The following FZD3 variants were observed in gnomAD, a reference collection of about 807,000 sequenced individuals.
FZD3 encodes frizzled class receptor 3, also known as frizzled-3.
Under a neutral mutation model 60.7 loss-of-function variants are expected in FZD3, and 30 were observed. The observed-to-expected ratio is 0.49, with a 90% CI of 0.37 to 0.67. The LOEUF is 0.67. FZD3 is among the 30% of genes least tolerant of loss of function. The pLI, the probability that FZD3 is intolerant of heterozygous loss-of-function variation, is 0.00. For synonymous variants in FZD3, 246 were observed against 275.2 expected (o/e 0.89, Z 1.05); for missense variants, 605 against 838.7 (o/e 0.72, Z 3.44).
At position 28,496,383 on chromosome 8, in the gene FZD3, A is replaced by G. The variant is rs79772018; in HGVS notation, c.-391+2040A>G. 6.6e-4 allele frequency among the ~76,000 whole-genome samples: 101 copies of G among 152,282 alleles called. No individual in the cohort carries two copies. In the East Asian group the frequency reaches 0.018, roughly 27 times the overall value. On this transcript the variant is annotated intron_variant, in intron 1 of 7. Coordinates refer to ENST00000240093, the MANE Select transcript of FZD3 (RefSeq NM_017412.4). ...CTTCAGAGACAGATAGTAGGAAACAATTCTTACCACTTCTTTGAGCGGTTT... is the reference window on the plus strand; with the variant it reads ...CTTCAGAGACAGATAGTAGGAAACAGTTCTTACCACTTCTTTGAGCGGTTT...
At position 28,562,012 on chromosome 8, in the gene FZD3, C is replaced by A. The variant is rs77665180; in HGVS notation, c.1788-786C>A. On this transcript the variant is annotated intron_variant, in intron 7 of 7. Transcript: ENST00000240093. ...ATTTAACAGCCCCACTGCTGCTTTT[C>A]AAGATAAGTGCAGAGGAGATAGCCT... 4.7e-3 allele frequency among the ~76,000 whole-genome samples: 716 copies of A among 152,262 alleles called. 24 individuals are homozygous for A. The East Asian group carries it at 0.091, about 19-fold the overall frequency.
chr8:28,531,510 G>A (rs1020376032), intron 5 of FZD3, among the ~76,000 whole-genome samples: 2 of 151,988 alleles, frequency 1.3e-5, no homozygotes, highest in Admixed American at 1.3e-4. Flanking sequence ...GTTTCTATTG[G>A]AATTTTTGCA....
Position 28,569,244 on chromosome 8 carries a change from C to CA in FZD3, c.*6240dup, listed in dbSNP as rs980765794. ...TTCTATCCTGGAGTCTAAAATTAAA[C>CA]AAAAAAATCTATTTTCTAAATTGGC... On this transcript the variant is annotated 3_prime_UTR_variant, in exon 8 of 8. Coordinates refer to ENST00000240093, the MANE Select transcript of FZD3 (RefSeq NM_017412.4). 4.2e-4 allele frequency: 62 copies of CA among 149,390 alleles called. No individual in the cohort carries two copies. Among genetic ancestry groups the CA allele is most frequent in the Admixed American group, 3.8e-3 (57 of 14,986 alleles). The allele number at this position is 149,390 out of a possible 1,614,324, so 9.3% of individuals were successfully genotyped here.
At chr8:28,502,354 A>G (rs1278880443) in intron 2 of FZD3, among the ~76,000 whole-genome samples, 6 of 152,210 alleles carry the variant, frequency 3.9e-5, no homozygotes, top group Non-Finnish European at 7.4e-5. Flanking sequence ...CAATAGCATA[A>G]TAATTTTTCA....
At chr8:28,541,241 C>T (rs959978363) in intron 5 of FZD3, among the ~76,000 whole-genome samples, 8 of 152,228 alleles carry the variant, frequency 5.3e-5, no homozygotes, top group African/African-American at 1.9e-4. Flanking sequence ...CAACACTCTG[C>T]CTGTGGCATC....
rs1180465504 is a variant in FZD3 at position 28,569,180 on chromosome 8, T to C, written c.*6169T>C. The C allele has an allele frequency of 9.2e-6, 1 of 108,994 alleles. No homozygotes were observed. The allele number at this position is 108,994 out of a possible 1,614,324, so 6.8% of individuals were successfully genotyped here. A position where few individuals can be genotyped will look rare whatever the true frequency, so the allele number is the denominator to read the frequency against. ...AGATATTTCTTTGTGTTGTGCTTAT[T>C]GGTTTTTTTTTTTAACTTAGAGCTT... On this transcript the variant is annotated 3_prime_UTR_variant, in exon 8 of 8. Transcript: ENST00000240093.
chr8:28,552,764 C>G (rs1017225312), intron 6 of FZD3, among the ~76,000 whole-genome samples: 17 of 152,056 alleles, frequency 1.1e-4, no homozygotes, highest in African/African-American at 3.9e-4. Flanking sequence ...TTCTGTTATA[C>G]AAATTATATT....
chr8:28,547,234 A>G (rs1444772099), intron 5 of FZD3, among the ~76,000 whole-genome samples: 1 of 152,160 alleles, frequency 6.6e-6, no homozygotes, highest in Admixed American at 6.5e-5. Context: ...TCATTTAATG[A>G]TATATTTTGG....
intron 1 of FZD3, among the ~76,000 whole-genome samples, chr8:28,495,030 TC>T (rs1375681613): frequency 1.3e-5 from 2 of 152,170 alleles, no homozygotes; most frequent in African/African-American, 4.8e-5. Context: ...TGCTGCTGGA[TC>T]CCCGAGGGTC....
At position 28,506,490 on chromosome 8, in the gene FZD3, T is replaced by C. The variant is rs531358896; in HGVS notation, c.189+3288T>C. ...TCTTTGTTGCCTGTCACCCTGTTTT[T>C]TCATTTCAGTTAGTGTGTGGAACGA... is the stretch of plus-strand genomic sequence containing the variant. On this transcript the variant is annotated intron_variant, in intron 3 of 7. Coordinates refer to ENST00000240093, the MANE Select transcript of FZD3 (RefSeq NM_017412.4). 2.7e-3 allele frequency among the ~76,000 whole-genome samples: 407 copies of C among 152,286 alleles called. 1 individual carries two copies. The highest frequency in any genetic ancestry group is 3.7e-3 in the Non-Finnish European group (252 of 68,006).
chr8:28,542,127 GC>G (rs1318461482), intron 5 of FZD3, among the ~76,000 whole-genome samples: 50 of 141,912 alleles, frequency 3.5e-4, no homozygotes, highest in South Asian at 1.8e-3. Context: ...TCCCTGCAGT[GC>G]CATATATGAC....
intron 7 of FZD3, among the ~76,000 whole-genome samples, chr8:28,557,209 CAAAA>C (rs34146681): frequency 1.7e-5 from 2 of 117,948 alleles, no homozygotes; most frequent in African/African-American, 3.3e-5. Context: ...AACTCTGTCT[CAAAA>C]AAAAAAAAAA....
rs771277607 is a variant in FZD3 at position 28,571,268 on chromosome 8, C to T, written c.*8257C>T. 3.9e-5 allele frequency: 6 copies of T among 152,128 alleles called. No homozygotes were observed. The highest frequency in any genetic ancestry group is 5.9e-5 in the Non-Finnish European group (4 of 68,008). The allele number at this position is 152,128 out of a possible 1,614,324, so 9.4% of individuals were successfully genotyped here. ...TTCTCCATTTTTAAAAGGAAATTAA[C>T]AAATGTCTTCCTTTATCCCTGCCTC... On this transcript the variant is annotated 3_prime_UTR_variant, in exon 8 of 8. Transcript: ENST00000240093.
intron 5 of FZD3, among the ~76,000 whole-genome samples, chr8:28,535,814 AT>A (rs533897972): frequency 4.5e-4 from 68 of 152,296 alleles, no homozygotes; most frequent in Non-Finnish European, 8.2e-4. Flanking sequence ...TGGTCTAATA[AT>A]AATTTCCTCT....
chr8:28,503,748 A>G (rs1443293112), intron 3 of FZD3, among the ~76,000 whole-genome samples: 1 of 152,236 alleles, frequency 6.6e-6, no homozygotes, highest in Non-Finnish European at 1.5e-5. Flanking sequence ...TATACCAGAT[A>G]AGAACTAGCA....
chr8:28,538,050 G>A (rs889197621), intron 5 of FZD3, among the ~76,000 whole-genome samples: 1 of 151,790 alleles, frequency 6.6e-6, no homozygotes, highest in African/African-American at 2.4e-5. Flanking sequence ...CCGGGAGGCA[G>A]AGGTTTCAGT....
chr8:28,557,653 C>T (rs1312636770), intron 7 of FZD3, among the ~76,000 whole-genome samples: 1 of 152,104 alleles, frequency 6.6e-6, no homozygotes, highest in Admixed American at 6.5e-5. Flanking sequence ...TTTTCTTCTC[C>T]CTAATCCATC....
intron 5 of FZD3, among the ~76,000 whole-genome samples, chr8:28,528,986 C>T (rs1804791531): frequency 6.6e-6 from 1 of 152,106 alleles, no homozygotes; most frequent in South Asian, 2.1e-4. Flanking sequence ...ATGATCATAG[C>T]TCACTGCAGC....
rs1805646426 is a variant in FZD3 at position 28,563,154 on chromosome 8, GC to G, written c.*144del. Reference sequence around the variant, plus strand: ...GTGTCCACTGGAAAGGTAAATGATTGCTTTTTTATATTGCATCAAACTTGGA... The same window carrying G: ...GTGTCCACTGGAAAGGTAAATGATTGTTTTTTATATTGCATCAAACTTGGA... On this transcript the variant is annotated 3_prime_UTR_variant, in exon 8 of 8. Coordinates refer to ENST00000240093, the MANE Select transcript of FZD3 (RefSeq NM_017412.4). 1.6e-6 allele frequency: 1 copy of G among 628,230 alleles called. No homozygotes were observed. The highest frequency in any genetic ancestry group is 1.8e-5 in the African/African-American group (1 of 54,542). The allele number at this position is 628,230 out of a possible 1,614,324, so 38.9% of individuals were successfully genotyped here.
Sources: gnomAD v4.1 joint callset for allele counts (sites outside exome capture counted in the v4.1 genomes callset) on GRCh38, gnomAD v4.1.1 for gene constraint, MANE v1.5 for transcripts, NCBI Gene and HGNC (gene_info 2026-07-23, HGNC 2026-07-21) for gene names.